ADGRL2: variants seen among roughly 807,000 people sequenced by gnomAD.
The protein encoded by ADGRL2 is adhesion G protein-coupled receptor L2.
In ADGRL2, 44 loss-of-function variants were observed where a neutral mutation model predicts 157.4. The ratio of observed to expected loss-of-function variants is 0.28; its 90% confidence interval spans 0.22 to 0.36. The LOEUF (loss-of-function observed/expected upper bound fraction) is 0.36, where lower values mean the gene tolerates loss of function less well. ADGRL2 is among the 10% of genes least tolerant of loss of function. The pLI is 1.00. For synonymous variants in ADGRL2, 585 were observed against 624.7 expected, an observed-to-expected ratio of 0.94 and a Z score of 0.95; for missense variants, 1,510 against 1,768.9, an observed-to-expected ratio of 0.85 and a Z score of 2.63.
intron 1 of ADGRL2, chr1:81,427,188 AT>A: frequency 4.4e-6 from 4 of 898,978 alleles, no homozygotes; most frequent in South Asian, 3.9e-5. Flanking sequence ...GGTGGAGGTA[AT>A]TTTGGCCATG....
intron 1 of ADGRL2, among the ~76,000 whole-genome samples, chr1:81,736,855 G>C (rs1275784355): frequency 3.3e-5 from 5 of 151,696 alleles, no homozygotes; most frequent in African/African-American, 9.7e-5. Flanking sequence ...TTTTTTTTGA[G>C]ACTGAGTCTC....
At chr1:81,630,034 A>G (rs2081983488) in intron 3 of ADGRL2, among the ~76,000 whole-genome samples, 1 of 152,134 alleles carries the variant, frequency 6.6e-6, no homozygotes, top group Non-Finnish European at 1.5e-5. Context: ...ATATATATAG[A>G]CACATACATG....
At chr1:81,944,977 T>G (rs759661643) in intron 6 of ADGRL2, among the ~76,000 whole-genome samples, 1 of 152,086 alleles carries the variant, frequency 6.6e-6, no homozygotes, top group Non-Finnish European at 1.5e-5. Flanking sequence ...TTTGTTCATA[T>G]AATAACAATA....
chr1:81,939,358 G>A (rs1162770035), intron 4 of ADGRL2, among the ~76,000 whole-genome samples: 6 of 151,522 alleles, frequency 4.0e-5, no homozygotes, highest in South Asian at 2.1e-4. Context: ...AGATCTTGGA[G>A]GATAAAGCAG....
At chr1:81,485,997 T>G (rs965104711) in intron 2 of ADGRL2, among the ~76,000 whole-genome samples, 1 of 152,214 alleles carries the variant, frequency 6.6e-6, no homozygotes, top group Non-Finnish European at 1.5e-5. Context: ...TTCAAAAGTT[T>G]TTTTTATTAC....
At chr1:81,593,800 T>TA (rs995187357) in intron 3 of ADGRL2, among the ~76,000 whole-genome samples, 64 of 152,304 alleles carry the variant, frequency 4.2e-4, no homozygotes, top group Admixed American at 2.4e-3. Context: ...CAAAAACCAT[T>TA]AAAAAAGAGT....
At chr1:81,668,208 C>T (rs1038284594) in intron 3 of ADGRL2, among the ~76,000 whole-genome samples, 7 of 151,920 alleles carry the variant, frequency 4.6e-5, no homozygotes, top group East Asian at 1.9e-4. Context: ...GGATCACACA[C>T]GAGGTCAGGA....
intron 1 of ADGRL2, among the ~76,000 whole-genome samples, chr1:81,331,587 G>A (rs765831157): frequency 1.3e-5 from 2 of 152,120 alleles, no homozygotes; most frequent in Non-Finnish European, 2.9e-5. Flanking sequence ...ACTGGAAAAT[G>A]ATGTTTGACA....
chr1:81,733,701 G>C (rs993456602), intron 1 of ADGRL2, among the ~76,000 whole-genome samples: 3 of 152,258 alleles, frequency 2.0e-5, no homozygotes, highest in Admixed American at 6.5e-5. Flanking sequence ...GAGTGGAAGA[G>C]CATCCTTCTA....
intron 3 of ADGRL2, among the ~76,000 whole-genome samples, chr1:81,601,960 CT>C (rs2081340468): frequency 6.6e-6 from 1 of 152,124 alleles, no homozygotes; most frequent in African/African-American, 2.4e-5. Flanking sequence ...GAAAAGAGAG[CT>C]TCTGCAATAG....
chr1:81,803,312 C>G (rs2088589003), intron 1 of ADGRL2, among the ~76,000 whole-genome samples: 1 of 152,016 alleles, frequency 6.6e-6, no homozygotes, highest in South Asian at 2.1e-4. Flanking sequence ...GGTGCGCCTG[C>G]GAGACTTCTG....
At chr1:81,722,041 G>C (rs150506265) in intron 1 of ADGRL2, 36,143 of 416,392 alleles carry the variant, frequency 0.087, 1,740 homozygotes, top group Non-Finnish European at 0.095. Flanking sequence ...GCCTGTTATC[G>C]CAGCACTTTG....
chr1:81,350,565 T>C (rs77047031), intron 1 of ADGRL2, among the ~76,000 whole-genome samples: 17 of 152,224 alleles, frequency 1.1e-4, no homozygotes, highest in African/African-American at 4.1e-4. Context: ...ATGAAAAGAT[T>C]TAAAGAGGGA....
chr1:81,596,343 C>A, intron 3 of ADGRL2: 2 of 534,180 alleles, frequency 3.7e-6, no homozygotes, highest in South Asian at 1.5e-5. Context: ...GGTAGGCATT[C>A]GAACTTGTCC....
At chr1:81,306,635 A>G (rs1055546449) in intron 1 of ADGRL2, 1 of 152,124 alleles carries the variant, frequency 6.6e-6, no homozygotes. Flanking sequence ...CAGGTGCCTC[A>G]CGCTTTTGTT....
chr1:81,612,694 A>G (rs1450479788), intron 3 of ADGRL2, among the ~76,000 whole-genome samples: 1 of 152,066 alleles, frequency 6.6e-6, no homozygotes, highest in Non-Finnish European at 1.5e-5. Flanking sequence ...TATCAAAAAG[A>G]GAAGGACAAA....
chr1:81,579,070 G>A (rs1295166534), intron 2 of ADGRL2, among the ~76,000 whole-genome samples: 2 of 152,078 alleles, frequency 1.3e-5, no homozygotes, highest in Admixed American at 1.3e-4. Flanking sequence ...GTTTTCCTTT[G>A]TTTACCTATG....
chr1:81,921,395 G>T (rs771134266), intron 3 of ADGRL2, among the ~76,000 whole-genome samples: 1 of 152,106 alleles, frequency 6.6e-6, no homozygotes, highest in South Asian at 2.1e-4. Flanking sequence ...TTGCTTAATA[G>T]ATTTTATTGT....
intron 3 of ADGRL2, among the ~76,000 whole-genome samples, chr1:81,624,844 C>T (rs1202619516): frequency 1.3e-5 from 2 of 152,128 alleles, no homozygotes; most frequent in East Asian, 1.9e-4. Flanking sequence ...TCTCCAATTC[C>T]GTATAAAAGA....
Sources: gnomAD v4.1 joint callset for allele counts (sites outside exome capture counted in the v4.1 genomes callset) on GRCh38, gnomAD v4.1.1 for gene constraint, MANE v1.5 for transcripts, NCBI Gene and HGNC (gene_info 2026-07-23, HGNC 2026-07-21) for gene names.